Variants in NKX1-1 observed in about 807,000 individuals in gnomAD.
NKX1-1 encodes NK1 homeobox 1, also known as NK1 transcription factor-related protein 1.
Under a neutral mutation model 1.7 loss-of-function variants are expected in NKX1-1, and 7 were observed. The observed-to-expected ratio is 4.22, with a 90% confidence interval of 2.40 to 7.92. The LOEUF (loss-of-function observed/expected upper bound fraction) is 7.92. Among genes scored for constraint, NKX1-1 ranks in the 30% most tolerant of loss-of-function variants. The pLI, the probability that NKX1-1 is intolerant of heterozygous loss-of-function variation, is 0.00. For missense variants in NKX1-1, 453 were observed against 171.5 expected, an observed-to-expected ratio of 2.64 and a Z score of -9.17; for synonymous variants, 242 against 85.3, an observed-to-expected ratio of 2.84 and a Z score of -10.13.
chr4:1,404,426 T>C (rs1720717080), intron 1 of NKX1-1, among the ~76,000 whole-genome samples: 3 of 152,096 alleles, frequency 2.0e-5, no homozygotes, highest in African/African-American at 7.2e-5. Context: ...GGCCCTGAGC[T>C]TCGGTCGCGA....
In NKX1-1 at chr4:1,403,579, C is replaced by T. The variant is rs995907457; in HGVS notation, c.700G>A (p.Asp234Asn). The change falls in exon 2 of 2, where the codon GAC (aspartate) becomes AAC (asparagine). Residue 234 changes from aspartate to asparagine, a missense_variant. By Grantham distance (23) the Asp-to-Asn change is conservative (BLOSUM62 1). Coordinates refer to ENST00000422806, the MANE Select transcript of NKX1-1 (RefSeq NM_001290079.1). ...GSGCQGAAET[D>N]ASPGATVDEA... ...TCGACGGTGGCTCCGGGGGACGCGT[C>T]GGTCTCAGCCGCGCCCTGGCAACCC... 9.7e-5 allele frequency: 44 copies of T among 455,306 alleles called. No individual in the cohort carries two copies. Among genetic ancestry groups the T allele is most frequent in the Non-Finnish European group, 1.4e-4 (36 of 263,310 alleles). 28.2% of individuals were successfully genotyped at this position (455,306 alleles called of 1,614,324 possible). A position where few individuals can be genotyped will look rare whatever the true frequency, so the allele number is the denominator to read the frequency against.
In NKX1-1 at chr4:1,403,778, G is replaced by A. The variant is rs777578741; in HGVS notation, c.501C>T (p.Thr167=). 26 of 683,280 alleles carry A rather than the reference G, an allele frequency of 3.8e-5. No homozygotes were observed. Among genetic ancestry groups the A allele is most frequent in the South Asian group, 3.3e-4 (22 of 66,428 alleles). 42.3% of individuals were successfully genotyped at this position (683,280 alleles called of 1,614,324 possible). Residue 167 remains threonine, a synonymous_variant, in exon 2 of 2, where the codon ACC becomes ACT. Transcript: ENST00000422806. ...GDPFKAGEAE[T]NDTNGYSSGG... ...CGCTGCTGTAGCCGTTGGTGTCGTT[G>A]GTCTCGGCCTCCCCTGCCTTGAAGG...
Position 1,403,263 on chromosome 4 carries a change from T to A in NKX1-1, c.1016A>T (p.Gln339Leu). The A allele has an allele frequency of 2.7e-6, 2 of 735,278 alleles. No homozygotes were observed. Among genetic ancestry groups the A allele is most frequent in the Non-Finnish European group, 5.0e-6 (2 of 397,064 alleles). The allele number at this position is 735,278 out of a possible 1,614,324, so 45.5% of individuals were successfully genotyped here. ...GCGGTTCTGGAACCAGATCTTCACC[T>A]GCGTCTCGGTGAGGCTGAGCGACAG... The part of the protein sequence containing the change: ...LALSLSLTET[Q>L]VKIWFQNRRT... The change falls in exon 2 of 2, where the codon CAG becomes CTG. Residue 339 changes from glutamine (Q) to leucine (L), a missense_variant. Coordinates refer to ENST00000422806, the MANE Select transcript of NKX1-1 (RefSeq NM_001290079.1).
chr4:1,403,340 G>A lies in NKX1-1; in HGVS notation c.939C>T (p.Asn313=). ...ACAGGTAGCGCGTGGCCTTGAACTTGTTCTCCAGCGCCACGAGCTGCTCGT... is the reference window on the plus strand; with the variant it reads ...ACAGGTAGCGCGTGGCCTTGAACTTATTCTCCAGCGCCACGAGCTGCTCGT... ...FTYEQLVALE[N]KFKATRYLSV... Residue 313 remains asparagine, a synonymous_variant, in exon 2 of 2, where the codon AAC becomes AAT. Coordinates refer to ENST00000422806, the MANE Select transcript of NKX1-1 (RefSeq NM_001290079.1). The A allele has an allele frequency of 1.4e-6, 1 of 733,060 alleles. No individual in the cohort carries two copies. The highest frequency in any genetic ancestry group is 1.5e-5 in the South Asian group (1 of 65,052). 45.4% of individuals were successfully genotyped at this position (733,060 alleles called of 1,614,324 possible).
At position 1,406,363 on chromosome 4, in the gene NKX1-1, G is replaced by C. The variant is rs1233864932; in HGVS notation, c.80C>G (p.Pro27Arg). The C allele has an allele frequency of 5.4e-6, 2 of 369,876 alleles. No individual in the cohort carries two copies. Among genetic ancestry groups the C allele is most frequent in the Non-Finnish European group, 9.6e-6 (2 of 208,766 alleles). 22.9% of individuals were successfully genotyped at this position (369,876 alleles called of 1,614,324 possible). Reference protein sequence around the residue: ...PPPQPGSGPAPPAPAAAAQEA... With the variant: ...PPPQPGSGPARPAPAAAAQEA... ...CTGGGCAGCGGCGGCGGGAGCGGGC[G>C]GTGCGGGCCCCGAACCTGGCTGGGG... Residue 27 changes from proline (P) to arginine (R), a missense_variant, in exon 1 of 2, where the codon CCG (proline) becomes CGG (arginine). Pro to Arg is a moderately radical substitution (Grantham distance 103). Coordinates refer to ENST00000422806, the MANE Select transcript of NKX1-1 (RefSeq NM_001290079.1).
In NKX1-1 at chr4:1,406,338, C is replaced by T. The variant is rs1206269598; in HGVS notation, c.105G>A (p.Gln35=). ...GCTCGGCGCGCCCGTCCATAGCTTC[C>T]TGGGCAGCGGCGGCGGGAGCGGGCG... ...PAPPAPAAAA[Q]EAMDGRAELP... is the part of the protein sequence containing the mutation. Residue 35 remains glutamine (Q), a synonymous_variant, in exon 1 of 2, where the codon CAG becomes CAA. Transcript: ENST00000422806. The T allele has an allele frequency of 2.6e-6, 1 of 379,262 alleles. No homozygotes were observed. Among genetic ancestry groups the T allele is most frequent in the Non-Finnish European group, 4.6e-6 (1 of 215,466 alleles). 23.5% of individuals were successfully genotyped at this position (379,262 alleles called of 1,614,324 possible).
rs1325312263 is a variant in NKX1-1 at position 1,403,415 on chromosome 4, C to T, written c.864G>A (p.Gly288=). 6.1e-6 allele frequency: 4 copies of T among 656,460 alleles called. No homozygotes were observed. The highest frequency in any genetic ancestry group is 1.1e-5 in the Non-Finnish European group (4 of 363,620). The allele number at this position is 656,460 out of a possible 1,614,324, so 40.7% of individuals were successfully genotyped here. A position where few individuals can be genotyped will look rare whatever the true frequency, so the allele number is the denominator to read the frequency against. The change falls in exon 2 of 2, where the codon GGG becomes GGA. Residue 288 remains glycine (G), a synonymous_variant. Transcript: ENST00000422806. The part of the protein sequence containing the change: ...TAAKPKRKRT[G]SDSKSGKPRR... The stretch of plus-strand genomic sequence containing the variant: ...GCGGCTTCCCGGACTTGGAGTCGGA[C>T]CCCGTGCGCTTCCGCTTGGGCTTCG...
Position 1,403,259 on chromosome 4 carries a change from C to T in NKX1-1, c.1020G>A (p.Val340=), listed in dbSNP as rs764835270. 6 of 737,312 alleles carry T rather than the reference C, an allele frequency of 8.1e-6. No homozygotes were observed. In the East Asian group the frequency reaches 1.4e-4, roughly 17 times the overall value. 45.7% of individuals were successfully genotyped at this position (737,312 alleles called of 1,614,324 possible). ...TTCGGCGGTTCTGGAACCAGATCTT[C>T]ACCTGCGTCTCGGTGAGGCTGAGCG... ...ALSLSLTETQ[V]KIWFQNRRTK... is the part of the protein sequence containing the mutation. Residue 340 remains valine (V), a synonymous_variant, in exon 2 of 2, where the codon GTG becomes GTA. Coordinates refer to ENST00000422806, the MANE Select transcript of NKX1-1 (RefSeq NM_001290079.1).
At position 1,405,997 on chromosome 4, in the gene NKX1-1, G is replaced by T; in HGVS notation, c.446C>A (p.Ala149Asp). ...ALAGAGGVGA[A>D]GAEPPNAGDP... ...CTACTCACTCGGCGGCTCAGCTCCG[G>T]CGGCTCCGACTCCCCCGGCGCCGGC... Residue 149 changes from alanine (A) to aspartate (D), a missense_variant, in exon 1 of 2, where the codon GCC (alanine) becomes GAC (aspartate). Transcript: ENST00000422806. 1 of 474,322 alleles carries T rather than the reference G, an allele frequency of 2.1e-6. No individual in the cohort carries two copies. Among genetic ancestry groups the T allele is most frequent in the Non-Finnish European group, 3.6e-6 (1 of 274,436 alleles). The allele number at this position is 474,322 out of a possible 1,614,324, so 29.4% of individuals were successfully genotyped here.
At chr4:1,405,249 A>C (rs1720729569) in intron 1 of NKX1-1, among the ~76,000 whole-genome samples, 2 of 152,196 alleles carry the variant, frequency 1.3e-5, no homozygotes, top group African/African-American at 2.4e-5. Context: ...TGGAGGGAGG[A>C]GGAGGGGACA....
intron 1 of NKX1-1, among the ~76,000 whole-genome samples, chr4:1,405,295 C>T (rs988045504): frequency 6.6e-6 from 1 of 152,216 alleles, no homozygotes; most frequent in African/African-American, 2.4e-5. Context: ...ATGCAATTCG[C>T]GATCAATAGC....
intron 1 of NKX1-1, among the ~76,000 whole-genome samples, chr4:1,404,319 A>T (rs1720715404): frequency 6.6e-6 from 1 of 152,248 alleles, no homozygotes; most frequent in Non-Finnish European, 1.5e-5. Flanking sequence ...CGGGCATTTA[A>T]TAACAGGCCC....
chr4:1,406,085 C>A lies in NKX1-1; in HGVS notation c.358G>T (p.Ala120Ser). 1.9e-6 allele frequency: 1 copy of A among 534,984 alleles called. No individual in the cohort carries two copies. Among genetic ancestry groups the A allele is most frequent in the Non-Finnish European group, 3.3e-6 (1 of 304,600 alleles). 33.1% of individuals were successfully genotyped at this position (534,984 alleles called of 1,614,324 possible). A position where few individuals can be genotyped will look rare whatever the true frequency, so the allele number is the denominator to read the frequency against. Reference protein sequence around the residue: ...ACAPCASAPCAPAPAASGRPP... With the variant: ...ACAPCASAPCSPAPAASGRPP... The stretch of plus-strand genomic sequence containing the variant: ...CGTCCCGAGGCGGCGGGTGCAGGGG[C>A]GCATGGGGCCGAAGCGCAAGGGGCG... Residue 120 changes from alanine to serine, a missense_variant, in exon 1 of 2, where the codon GCC (alanine) becomes TCC (serine). Coordinates refer to ENST00000422806, the MANE Select transcript of NKX1-1 (RefSeq NM_001290079.1).
At chr4:1,405,001 G>A (rs952200804) in intron 1 of NKX1-1, among the ~76,000 whole-genome samples, 2 of 152,226 alleles carry the variant, frequency 1.3e-5, no homozygotes, top group Non-Finnish European at 2.9e-5. Flanking sequence ...CCCGGCTTCA[G>A]CGGGATCCCG....
In NKX1-1 at chr4:1,406,098, A is replaced by G; in HGVS notation, c.345T>C (p.Ala115=). The stretch of plus-strand genomic sequence containing the variant: ...CGGGTGCAGGGGCGCATGGGGCCGA[A>G]GCGCAAGGGGCGCACGCAGCGGGAG... ...PVAPAACAPC[A]SAPCAPAPAA... is the part of the protein sequence containing the mutation. The change falls in exon 1 of 2, where the codon GCT becomes GCC. Residue 115 remains alanine, a synonymous_variant. Coordinates refer to ENST00000422806, the MANE Select transcript of NKX1-1 (RefSeq NM_001290079.1). The G allele has an allele frequency of 1.8e-6, 1 of 558,976 alleles. No individual in the cohort carries two copies. Among genetic ancestry groups the G allele is most frequent in the Non-Finnish European group, 3.2e-6 (1 of 315,824 alleles). 34.6% of individuals were successfully genotyped at this position (558,976 alleles called of 1,614,324 possible).
chr4:1,404,992 C>G (rs539109128), intron 1 of NKX1-1, among the ~76,000 whole-genome samples: 1 of 152,358 alleles, frequency 6.6e-6, no homozygotes, highest in South Asian at 2.1e-4. Context: ...GCGCGCCTTC[C>G]CGGCTTCAGC....
chr4:1,405,514 TTTAA>T (rs1720734095), intron 1 of NKX1-1, among the ~76,000 whole-genome samples: 1 of 152,002 alleles, frequency 6.6e-6, no homozygotes, highest in African/African-American at 2.4e-5. Flanking sequence ...ATCGAAGGGA[TTTAA>T]TTGTTTTTCC....
chr4:1,403,323 C>T lies in NKX1-1; in HGVS notation c.956G>A (p.Arg319His), dbSNP rs768295731. The T allele has an allele frequency of 1.4e-6, 1 of 719,516 alleles. No individual in the cohort carries two copies. Among genetic ancestry groups the T allele is most frequent in the Non-Finnish European group, 2.5e-6 (1 of 400,572 alleles). The allele number at this position is 719,516 out of a possible 1,614,324, so 44.6% of individuals were successfully genotyped here. Reference protein sequence around the residue: ...VALENKFKATRYLSVCERLNL... With the variant: ...VALENKFKATHYLSVCERLNL... ...GAGGCGCTCGCACACCGACAGGTAG[C>T]GCGTGGCCTTGAACTTGTTCTCCAG... Residue 319 changes from arginine (R) to histidine (H), a missense_variant, in exon 2 of 2, where the codon CGC (arginine) becomes CAC (histidine). Arg to His is a conservative substitution (Grantham distance 29). Transcript: ENST00000422806.
chr4:1,405,408 T>C (rs1345686517), intron 1 of NKX1-1, among the ~76,000 whole-genome samples: 2 of 152,196 alleles, frequency 1.3e-5, no homozygotes, highest in Non-Finnish European at 2.9e-5. Context: ...GAAAGAGATA[T>C]GCACGCGCCG....
Sources: allele counts gnomAD v4.1 joint callset (sites outside exome capture counted in the v4.1 genomes callset), GRCh38; gene constraint gnomAD v4.1.1; transcripts MANE v1.5; gene names NCBI Gene and HGNC (gene_info 2026-07-23, HGNC 2026-07-21).